Variants in PPP1R7 observed in about 807,000 individuals in gnomAD.
PPP1R7 encodes the protein protein phosphatase 1 regulatory subunit 7.
PPP1R7 carries 18 observed loss-of-function variants against 45.2 expected under a neutral mutation model. The ratio of observed to expected loss-of-function variants is 0.40; its 90% confidence interval spans 0.28 to 0.59. The LOEUF (loss-of-function observed/expected upper bound fraction) is 0.59. Ranked by LOEUF, PPP1R7 falls within the 20% of genes least tolerant of loss-of-function variation. The pLI is 0.46. For synonymous variants in PPP1R7, 181 were observed against 183.4 expected (o/e 0.99, Z 0.11); for missense variants, 314 against 455.8 (o/e 0.69, Z 2.83).
chr2:241,150,501 G>T lies in PPP1R7; in HGVS notation c.6G>T (p.Ala2=). The change falls in exon 1 of 10, where the codon GCG becomes GCT. Residue 2 remains alanine, a synonymous_variant. Transcript: ENST00000234038. M[A]AERGAGQQQS... Reference sequence around the variant, plus strand: ...AAAGGGGAAGAGCAGCCAACATGGCGGCGGAACGCGGCGCGGGGCAGCAAC... The same window carrying T: ...AAAGGGGAAGAGCAGCCAACATGGCTGCGGAACGCGGCGCGGGGCAGCAAC... 1 of 1,598,550 alleles carries T rather than the reference G, an allele frequency of 6.3e-7. No homozygotes were observed. The highest frequency in any genetic ancestry group is 8.5e-7 in the Non-Finnish European group (1 of 1,173,734).
At position 241,158,276 on chromosome 2, in the gene PPP1R7, T is replaced by C. The variant is rs113087546; in HGVS notation, c.238-208T>C. On this transcript the variant is annotated intron_variant, in intron 3 of 9. Transcript: ENST00000234038. ...ATGAGAAAAAGATGTCATGTACCAA[T>C]CATTTTAAGGGCCAGTTTTACATAA... 1.3e-3 allele frequency among the ~76,000 whole-genome samples: 198 copies of C among 152,270 alleles called. 2 individuals are homozygous for C. The highest frequency in any genetic ancestry group is 4.5e-3 in the African/African-American group (186 of 41,534).
chr2:241,166,477 C>T lies in PPP1R7; in HGVS notation c.819+36C>T, dbSNP rs745951808. The T allele has an allele frequency of 4.3e-5, 69 of 1,589,764 alleles. No individual in the cohort carries two copies. In the Admixed American group the frequency reaches 1.0e-3, roughly 24 times the overall value. The stretch of plus-strand genomic sequence containing the variant: ...CACTGTCTGTCTGGGGCTGTGTGGG[C>T]GGTGGGCACCAGGCGGGCAGGCACC... On this transcript the variant is annotated intron_variant, in intron 8 of 9. Transcript: ENST00000234038.
In PPP1R7 at chr2:241,166,420, C is replaced by A; in HGVS notation, c.798C>A (p.Val266=). The A allele has an allele frequency of 6.2e-7, 1 of 1,613,830 alleles. No individual in the cohort carries two copies. Among genetic ancestry groups the A allele is most frequent in the South Asian group, 1.1e-5 (1 of 91,024 alleles). Residue 266 remains valine, a synonymous_variant, in exon 8 of 10, where the codon GTC becomes GTA. Coordinates refer to ENST00000234038, the MANE Select transcript of PPP1R7 (RefSeq NM_002712.3). ...ACCTTAGCCACAATGGCATCGAGGT[C>A]ATCGAGGGCCTGGAGAACAATGTAA... ...ELYLSHNGIE[V]IEGLENNNKL...
chr2:241,174,232 G>A (rs966689353), intron 9 of PPP1R7, among the ~76,000 whole-genome samples: 3 of 152,160 alleles, frequency 2.0e-5, no homozygotes, highest in African/African-American at 7.2e-5. Context: ...TGAATATCCT[G>A]TGTATTTAAG....
At chr2:241,167,183 GTTTT>G in intron 8 of PPP1R7, 1 of 1,028,912 alleles carries the variant, frequency 9.7e-7, no homozygotes, top group South Asian at 1.9e-5. Flanking sequence ...AATTTTACTT[GTTTT>G]TTTCTGTTTT....
intron 1 of PPP1R7, chr2:241,151,461 G>A (rs773941835): frequency 1.5e-5 from 7 of 471,084 alleles, no homozygotes; most frequent in Admixed American, 1.2e-4. Flanking sequence ...CTGAGCTGGA[G>A]CCTGAAGAAT....
Position 241,150,521 on chromosome 2 carries a change from A to G in PPP1R7, c.26A>G (p.Gln9Arg), listed in dbSNP as rs763665103. The G allele has an allele frequency of 3.8e-6, 6 of 1,598,946 alleles. No individual in the cohort carries two copies. Among genetic ancestry groups the G allele is most frequent in the Admixed American group, 3.4e-5 (2 of 58,836 alleles). The change falls in exon 1 of 10, where the codon CAG becomes CGG. Residue 9 changes from glutamine to arginine, a missense_variant. Coordinates refer to ENST00000234038, the MANE Select transcript of PPP1R7 (RefSeq NM_002712.3). MAAERGAG[Q>R]QQSQEMMEVD... is the part of the protein sequence containing the mutation. ...ATGGCGGCGGAACGCGGCGCGGGGC[A>G]GCAACAGTCGCAGGAGATGATGGAG...
chr2:241,150,681 A>T, intron 1 of PPP1R7, 134 bp downstream of exon 1: 1 of 1,278,062 alleles, frequency 7.8e-7, no homozygotes, highest in Non-Finnish European at 1.0e-6. Flanking sequence ...GACAGCTGAC[A>T]GCCGGACCCG....
At position 241,160,364 on chromosome 2, in the gene PPP1R7, A is replaced by G; in HGVS notation, c.467A>G (p.Asn156Ser). 1 of 1,606,698 alleles carries G rather than the reference A, an allele frequency of 6.2e-7. No homozygotes were observed. Among genetic ancestry groups the G allele is most frequent in the Admixed American group, 1.7e-5 (1 of 57,692 alleles). Residue 156 changes from asparagine to serine, a missense_variant, in exon 6 of 10, where the codon AAC (asparagine) becomes AGC (serine). Physicochemically the swap from Asn to Ser is conservative, Grantham distance 46. This residue lies in a region of PPP1R7 where 168 missense variants were observed against 285.3 expected (regional missense o/e 0.59). Transcript: ENST00000234038. ...GATATTTCTTTTAATCTGCTGAGAA[A>G]CATCGAAGGGGTTGACAAGTTGACA... ...ILDISFNLLR[N>S]IEGVDKLTRL...
At chr2:241,165,335 T>G (rs2067681377) in intron 7 of PPP1R7, among the ~76,000 whole-genome samples, 1 of 151,728 alleles carries the variant, frequency 6.6e-6, no homozygotes, top group African/African-American at 2.4e-5. Context: ...CCCGGCTAAT[T>G]TTTTGTATTT....
In PPP1R7 at chr2:241,162,683, C is replaced by A. The variant is rs370535744; in HGVS notation, c.598-602C>A. Among the ~76,000 whole-genome samples the A allele has an allele frequency of 2.8e-3, 370 of 134,400 alleles. 1 individual carries two copies. The highest frequency in any genetic ancestry group is 0.015 in the Middle Eastern group (4 of 270). 88.2% of individuals were successfully genotyped at this position (134,400 alleles called of 152,430 possible). ...GTAGAGACTGAGGCTCTTGGGAGGACTTTTTTTTTTTTTTTTTGAGACGGA... is the reference window on the plus strand; with the variant it reads ...GTAGAGACTGAGGCTCTTGGGAGGAATTTTTTTTTTTTTTTTTGAGACGGA... On this transcript the variant is annotated intron_variant, in intron 6 of 9. Transcript: ENST00000234038.
intron 1 of PPP1R7, among the ~76,000 whole-genome samples, chr2:241,152,084 C>T (rs898034279): frequency 6.6e-6 from 1 of 152,242 alleles, no homozygotes; most frequent in African/African-American, 2.4e-5. Flanking sequence ...TCTCCCTGAG[C>T]CTGGACCACC....
chr2:241,152,300 GC>G (rs1256572634), intron 1 of PPP1R7, among the ~76,000 whole-genome samples: 7 of 152,248 alleles, frequency 4.6e-5, no homozygotes, highest in Admixed American at 1.3e-4. Flanking sequence ...GCAGCAAGAT[GC>G]AAACTCAGGA....
chr2:241,181,352 T>C (rs1188584663), intron 9 of PPP1R7, among the ~76,000 whole-genome samples: 4 of 151,732 alleles, frequency 2.6e-5, no homozygotes, highest in Admixed American at 6.6e-5. Context: ...CACAGACAGA[T>C]AGAAAAATAT....
upstream of PPP1R7, chr2:241,149,675 G>C: frequency 6.5e-7 from 1 of 1,547,574 alleles, no homozygotes; most frequent in Non-Finnish European, 8.7e-7. Flanking sequence ...GGGCCGGGCA[G>C]ATGCGGTTTC....
intron 9 of PPP1R7, among the ~76,000 whole-genome samples, chr2:241,181,775 G>T (rs2068011109): frequency 6.6e-6 from 1 of 152,196 alleles, no homozygotes; most frequent in Non-Finnish European, 1.5e-5. Context: ...CCCATTGTAG[G>T]TTCACAGTCA....
upstream of PPP1R7, chr2:241,150,283 C>T (rs1575371268): frequency 3.8e-6 from 5 of 1,318,616 alleles, no homozygotes; most frequent in East Asian, 1.2e-4. Flanking sequence ...ACTGTTCCGG[C>T]TCCGCCGCCT....
intron 9 of PPP1R7, 110 bp from the exon 10 acceptor site, chr2:241,182,537 C>A (rs1220281451): frequency 2.9e-6 from 4 of 1,376,400 alleles, no homozygotes; most frequent in Non-Finnish European, 4.0e-6. Context: ...AAGACCCACA[C>A]CTGCTCGCCA....
chr2:241,175,159 A>G (rs878913535), intron 9 of PPP1R7, among the ~76,000 whole-genome samples: 1 of 152,154 alleles, frequency 6.6e-6, no homozygotes, highest in African/African-American at 2.4e-5. Context: ...TTCCCTCCCA[A>G]TTTCTTTATT....
Sources: gnomAD v4.1 joint callset for allele counts (sites outside exome capture counted in the v4.1 genomes callset) on GRCh38, gnomAD v4.1.1 for gene constraint, gnomAD v4.1.1 regional missense constraint, MANE v1.5 for transcripts, NCBI Gene and HGNC (gene_info 2026-07-23, HGNC 2026-07-21) for gene names.